TRPV3: variants seen among roughly 807,000 people sequenced by gnomAD.
TRPV3 encodes VRL-3.
TRPV3 carries 88 observed loss-of-function variants against 87.1 expected under a neutral mutation model. The observed-to-expected ratio is 1.01, with a 90% confidence interval of 0.85 to 1.21. The LOEUF (loss-of-function observed/expected upper bound fraction) is 1.21. Among genes scored for constraint, TRPV3 ranks in the 50% most tolerant of loss-of-function variants. The probability of loss-of-function intolerance (pLI) is 0.00; values close to 1 mark genes in which losing one functional copy is unlikely to be tolerated. For missense variants in TRPV3, 1,054 were observed against 1,030.1 expected (o/e 1.02, Z -0.32); for synonymous variants, 438 against 423.3 (o/e 1.03, Z -0.43).
chr17:3,549,659 G>A (rs1289100970), intron 2 of TRPV3, among the ~76,000 whole-genome samples: 2 of 152,142 alleles, frequency 1.3e-5, no homozygotes, highest in African/African-American at 2.4e-5. Context: ...ATGATGGATG[G>A]ATGGATGGAC....
rs1187255998 is a variant in TRPV3 at position 3,527,859 on chromosome 17, G to A, written c.1503+166C>T. On this transcript the variant is annotated intron_variant, in intron 11 of 17. Transcript: ENST00000576742. ...GTAGATGGATGAAGTAGGTAGGATA[G>A]GCCAGCCTTATCCATTTTTTCCCAT... The A allele has an allele frequency of 2.1e-5, 13 of 622,192 alleles. No homozygotes were observed. The East Asian group carries it at 3.6e-4, about 17-fold the overall frequency. The allele number at this position is 622,192 out of a possible 1,614,324, so 38.5% of individuals were successfully genotyped here.
intron 6 of TRPV3, among the ~76,000 whole-genome samples, chr17:3,538,867 G>A (rs1030728794): frequency 1.3e-5 from 2 of 152,246 alleles, no homozygotes; most frequent in African/African-American, 2.4e-5. Context: ...TTACAGGCAT[G>A]AGCCACTGCG....
rs78408553 is a variant in TRPV3, at chr17:3,540,575, G to C, written c.643+1947C>G. On this transcript the variant is annotated intron_variant, in intron 6 of 17. Coordinates refer to ENST00000576742, the MANE Select transcript of TRPV3 (RefSeq NM_145068.4). ...CTCATCCAAAAAATATGTACTAAGCGTCTCTTAGGTGAGACCCTAAGGGTA... is the reference window on the plus strand; with the variant it reads ...CTCATCCAAAAAATATGTACTAAGCCTCTCTTAGGTGAGACCCTAAGGGTA... Among the ~76,000 whole-genome samples, 576 of 152,254 alleles carry C rather than the reference G, an allele frequency of 3.8e-3. 22 individuals carry two copies. The East Asian group carries it at 0.085, about 22-fold the overall frequency.
intron 2 of TRPV3, chr17:3,546,796 C>CTG (rs2074530313): frequency 4.9e-6 from 2 of 406,836 alleles, no homozygotes; most frequent in African/African-American, 4.2e-5. Flanking sequence ...CGGCAAAACC[C>CTG]TGTGTCTACT....
chr17:3,545,278 G>T lies in TRPV3; in HGVS notation c.120-7C>A, dbSNP rs776927687. On this transcript the variant is annotated splice_region_variant and splice_polypyrimidine_tract_variant and intron_variant, in intron 2 of 17. Transcript: ENST00000576742. ...CTCCAGGAAGAAGTGTGCACTGAGG[G>T]AACACGGAGGAAGCCTGTTAGGGCC... 6.2e-7 allele frequency: 1 copy of T among 1,605,778 alleles called. No homozygotes were observed. The highest frequency in any genetic ancestry group is 1.1e-5 in the South Asian group (1 of 90,528).
At position 3,530,078 on chromosome 17, in the gene TRPV3, G is replaced by C. The variant is rs1381632977; in HGVS notation, c.1191C>G (p.Thr397=). Residue 397 remains threonine, a synonymous_variant, in exon 9 of 18, where the codon ACC becomes ACG. Coordinates refer to ENST00000576742, the MANE Select transcript of TRPV3 (RefSeq NM_145068.4). This position sits in a 1 kb window ranked among gnomAD's most constrained non-coding sequence, Gnocchi z 4.0. ...SSLYDLTNVD[T]TTDNSVLEIT... ...TTTCCAGCACTGAGTTGTCCGTGGT[G>C]GTGTCCACGTTGGTGAGGTCGTAGA... 6.2e-7 allele frequency: 1 copy of C among 1,614,082 alleles called. No homozygotes were observed. Among genetic ancestry groups the C allele is most frequent in the Admixed American group, 1.7e-5 (1 of 60,026 alleles).
At chr17:3,534,079 C>G (rs993649031) in intron 7 of TRPV3, among the ~76,000 whole-genome samples, 1 of 152,162 alleles carries the variant, frequency 6.6e-6, no homozygotes, top group African/African-American at 2.4e-5. Flanking sequence ...AGGTCTTCAG[C>G]TGCCTCCCCT....
rs936490007 is a variant in TRPV3, at chr17:3,530,081, G to A, written c.1188C>T (p.Asp396=). 14 of 1,613,990 alleles carry A rather than the reference G, an allele frequency of 8.7e-6. No homozygotes were observed. The East Asian group carries it at 1.1e-4, about 13-fold the overall frequency. ...CCAGCACTGAGTTGTCCGTGGTGGTGTCCACGTTGGTGAGGTCGTAGAGGG... is the reference window on the plus strand; with the variant it reads ...CCAGCACTGAGTTGTCCGTGGTGGTATCCACGTTGGTGAGGTCGTAGAGGG... ...SSSLYDLTNV[D]TTTDNSVLEI... The change falls in exon 9 of 18, where the codon GAC becomes GAT. Residue 396 remains aspartate (D), a synonymous_variant. Coordinates refer to ENST00000576742, the MANE Select transcript of TRPV3 (RefSeq NM_145068.4). The surrounding 1 kb of genome is among the most constrained non-coding windows in gnomAD (Gnocchi z 4.0).
At chr17:3,519,403 T>G (rs2074213047) in intron 14 of TRPV3, among the ~76,000 whole-genome samples, 1 of 131,562 alleles carries the variant, frequency 7.6e-6, no homozygotes, top group Non-Finnish European at 1.6e-5. Context: ...GAGGGATGGA[T>G]GGATGGATGG....
At chr17:3,529,097 C>T in intron 9 of TRPV3, 102 bp from the exon 10 acceptor site, 1 of 1,326,440 alleles carries the variant, frequency 7.5e-7, no homozygotes, top group Non-Finnish European at 1.1e-6. Context: ...GCAGAAGGGG[C>T]CCATCATTAT....
intron 2 of TRPV3, among the ~76,000 whole-genome samples, chr17:3,550,690 A>G (rs1276733806): frequency 1.3e-5 from 2 of 151,694 alleles, no homozygotes; most frequent in Non-Finnish European, 2.9e-5. Context: ...ACACCTGGCT[A>G]ATTTTTTGTA....
At position 3,528,055 on chromosome 17, in the gene TRPV3, G is replaced by A. The variant is rs748004956; in HGVS notation, c.1473C>T (p.Leu491=). 1 of 1,613,752 alleles carries A rather than the reference G, an allele frequency of 6.2e-7. No individual in the cohort carries two copies. The highest frequency in any genetic ancestry group is 2.2e-5 in the East Asian group (1 of 44,888). The change falls in exon 11 of 18, where the codon CTC becomes CTT. Residue 491 remains leucine (L), a synonymous_variant. Transcript: ENST00000576742. The surrounding 1 kb of genome is among the most constrained non-coding windows in gnomAD (Gnocchi z 4.2). The stretch of plus-strand genomic sequence containing the variant: ...TCACAGAGATGCACATGGCCCAGAT[G>A]AGCACAAACATCCTCCCTAGGAGCT... ...WLQLLGRMFV[L]IWAMCISVKE... is the part of the protein sequence containing the mutation.
At position 3,530,917 on chromosome 17, in the gene TRPV3, G is replaced by T. The variant is rs1039805074; in HGVS notation, c.1066-714C>A. On this transcript the variant is annotated intron_variant, in intron 8 of 17. Coordinates refer to ENST00000576742, the MANE Select transcript of TRPV3 (RefSeq NM_145068.4). The surrounding 1 kb of genome is among the most constrained non-coding windows in gnomAD (Gnocchi z 4.0). The stretch of plus-strand genomic sequence containing the variant: ...CTAAAAATACAAAAATTAGCTGGGT[G>T]TGGTGGCAGGCGCCTGTAACCCCAG... Among the ~76,000 whole-genome samples, 2 of 152,054 alleles carry T rather than the reference G, an allele frequency of 1.3e-5. No homozygotes were observed. Among genetic ancestry groups the T allele is most frequent in the African/African-American group, 2.4e-5 (1 of 41,372 alleles).
chr17:3,529,976 G>C (rs768990108), intron 9 of TRPV3, 51 bp downstream of exon 9: 2 of 1,567,062 alleles, frequency 1.3e-6, no homozygotes, highest in Non-Finnish European at 1.7e-6. Flanking sequence ...CCCCTGGCCT[G>C]AGGTCCAGCC....
intron 6 of TRPV3, among the ~76,000 whole-genome samples, chr17:3,536,929 C>T (rs4790514): frequency 0.16 from 24,921 of 152,022 alleles, 2,512 homozygotes; most frequent in East Asian, 0.39. Flanking sequence ...AAAGAGCTGC[C>T]GCTGTGTCAT....
Position 3,525,076 on chromosome 17 carries a change from G to A in TRPV3, c.1578-713C>T, listed in dbSNP as rs754526746. 1.5e-3 allele frequency among the ~76,000 whole-genome samples: 224 copies of A among 152,328 alleles called. 1 individual carries two copies. The highest frequency in any genetic ancestry group is 2.7e-3 in the Non-Finnish European group (181 of 68,034). ...GCTCTGTCACCTAGGCTGGAGTACA[G>A]TGGCATGAACTCTGCTCACTGCAAC... On this transcript the variant is annotated intron_variant, in intron 12 of 17. Transcript: ENST00000576742.
Position 3,543,538 on chromosome 17 carries a change from C to T in TRPV3, c.402G>A (p.Glu134=), listed in dbSNP as rs2150801522. 3 of 1,614,142 alleles carry T rather than the reference C, an allele frequency of 1.9e-6. No individual in the cohort carries two copies. Among genetic ancestry groups the T allele is most frequent in the South Asian group, 1.1e-5 (1 of 91,086 alleles). Residue 134 remains glutamate, a synonymous_variant, in exon 5 of 18, where the codon GAG becomes GAA. Transcript: ENST00000576742. The stretch of plus-strand genomic sequence containing the variant: ...GCAGCTCCACCAGCAACTCTACCAA[C>T]TCCTCCACGCAGCCCTCAGACACGG... ...FAAVSEGCVE[E]LVELLVELQE...
At chr17:3,549,886 T>C (rs1193197032) in intron 2 of TRPV3, among the ~76,000 whole-genome samples, 1 of 151,074 alleles carries the variant, frequency 6.6e-6, no homozygotes, top group Non-Finnish European at 1.5e-5. Flanking sequence ...TATGGATGGA[T>C]GGATGGAGGA....
In TRPV3 at chr17:3,527,520, G is replaced by A. The variant is rs557826189; in HGVS notation, c.1503+505C>T. ...AAGAGGGCAAACTCGTCCCAACCCT[G>A]TCACCTCCTCCAGGGCCACACATAT... On this transcript the variant is annotated intron_variant, in intron 11 of 17. Coordinates refer to ENST00000576742, the MANE Select transcript of TRPV3 (RefSeq NM_145068.4). Among the ~76,000 whole-genome samples, 3 of 152,280 alleles carry A rather than the reference G, an allele frequency of 2.0e-5. No homozygotes were observed. The East Asian group carries it at 5.8e-4, about 29-fold the overall frequency.
Sources: gnomAD v4.1 joint callset for allele counts (sites outside exome capture counted in the v4.1 genomes callset) on GRCh38, gnomAD v4.1.1 for gene constraint, Gnocchi (gnomAD v3.1) non-coding constraint, MANE v1.5 for transcripts, NCBI Gene and HGNC (gene_info 2026-07-23, HGNC 2026-07-21) for gene names.